SLIT3: variants seen among roughly 807,000 people sequenced by gnomAD.
SLIT3 encodes the protein slit homolog 3 protein.
A neutral mutation model predicts 184.0 loss-of-function variants in SLIT3; 68 were observed. The observed-to-expected ratio is 0.37, with a 90% CI of 0.30 to 0.45. SLIT3 has a LOEUF of 0.45. Ranked by LOEUF, SLIT3 falls within the 20% of genes least tolerant of loss-of-function variation. SLIT3 has a pLI of 1.00. For synonymous variants in SLIT3, 831 were observed against 828.6 expected, an observed-to-expected ratio of 1.00 and a Z score of -0.05; for missense variants, 1,707 against 2,026.0, an observed-to-expected ratio of 0.84 and a Z score of 3.02.
chr5:169,110,489 G>A (rs1760372775), intron 4 of SLIT3, among the ~76,000 whole-genome samples: 1 of 152,096 alleles, frequency 6.6e-6, no homozygotes, highest in Non-Finnish European at 1.5e-5. Context: ...GGTGTTCGTT[G>A]TCTTGTAGAA....
chr5:169,236,392 A>G (rs571324973), intron 3 of SLIT3, among the ~76,000 whole-genome samples: 1 of 152,178 alleles, frequency 6.6e-6, no homozygotes, highest in Admixed American at 6.5e-5. Context: ...AAAATCATCA[A>G]CTGGGTGCTG....
chr5:168,937,808 A>C (rs1762207021), intron 4 of SLIT3, among the ~76,000 whole-genome samples: 1 of 152,194 alleles, frequency 6.6e-6, no homozygotes, highest in African/African-American at 2.4e-5. Context: ...GACTAGAATA[A>C]AGAATGGTGC....
intron 4 of SLIT3, among the ~76,000 whole-genome samples, chr5:168,956,488 G>A (rs1762830332): frequency 6.6e-6 from 1 of 152,132 alleles, no homozygotes; most frequent in Admixed American, 6.5e-5. Context: ...GGCTCAACCA[G>A]CTGATTCATA....
intron 3 of SLIT3, among the ~76,000 whole-genome samples, chr5:169,240,892 A>C (rs1269451943): frequency 6.8e-6 from 1 of 147,920 alleles, no homozygotes; most frequent in Non-Finnish European, 1.5e-5. Flanking sequence ...TTTTTTTTAG[A>C]GGCTATGCTA....
At chr5:169,254,528 T>A (rs143990236) in intron 1 of SLIT3, among the ~76,000 whole-genome samples, 4 of 152,152 alleles carry the variant, frequency 2.6e-5, no homozygotes, top group African/African-American at 9.7e-5. Context: ...ATGGTGTCTA[T>A]GCCAATTTCC....
intron 32 of SLIT3, among the ~76,000 whole-genome samples, chr5:168,680,047 G>A (rs1761535290): frequency 6.6e-6 from 1 of 152,234 alleles, no homozygotes; most frequent in Non-Finnish European, 1.5e-5. Context: ...AAACCCCGGT[G>A]GTCCCGCTTC....
At chr5:169,128,268 A>G (rs916033504) in intron 4 of SLIT3, among the ~76,000 whole-genome samples, 1 of 147,872 alleles carries the variant, frequency 6.8e-6, no homozygotes, top group Non-Finnish European at 1.5e-5. Flanking sequence ...ATATACATAT[A>G]TATATTTATA....
At chr5:169,018,383 T>A (rs1382394348) in intron 4 of SLIT3, 1 of 135,146 alleles carries the variant, frequency 7.4e-6, no homozygotes, top group Admixed American at 7.3e-5. Flanking sequence ...TAAAGCCTTC[T>A]TTTTTGCAGG....
chr5:168,744,734 G>A (rs923689420), intron 20 of SLIT3, among the ~76,000 whole-genome samples: 2 of 152,178 alleles, frequency 1.3e-5, no homozygotes, highest in African/African-American at 4.8e-5. Flanking sequence ...TAAGCCCATC[G>A]TTGAGACCTG....
intron 6 of SLIT3, among the ~76,000 whole-genome samples, chr5:168,824,652 C>T (rs184044169): frequency 1.5e-3 from 231 of 152,320 alleles, no homozygotes; most frequent in Non-Finnish European, 2.4e-3. Flanking sequence ...ACCTGCCTCA[C>T]TATACCTCCC....
At chr5:169,192,576 T>A (rs1345587) in intron 4 of SLIT3, among the ~76,000 whole-genome samples, 7,266 of 152,154 alleles carry the variant, frequency 0.048, 347 homozygotes, top group East Asian at 0.22. Context: ...GCTGCACAAG[T>A]AGGCATTAAA....
intron 4 of SLIT3, among the ~76,000 whole-genome samples, chr5:168,932,264 T>TTTG (rs1762009366): frequency 6.6e-6 from 1 of 150,936 alleles, no homozygotes; most frequent in Admixed American, 6.6e-5. Context: ...TTGTGTTTTT[T>TTTG]TTTTTTTTTT....
intron 34 of SLIT3, among the ~76,000 whole-genome samples, chr5:168,670,912 G>C (rs1218438982): frequency 6.6e-6 from 1 of 152,156 alleles, no homozygotes; most frequent in Admixed American, 6.5e-5. Context: ...AATTCCCACA[G>C]AGACAGTGGG....
intron 4 of SLIT3, among the ~76,000 whole-genome samples, chr5:169,044,661 G>A (rs541835941): frequency 6.6e-6 from 1 of 152,220 alleles, no homozygotes; most frequent in African/African-American, 2.4e-5. Flanking sequence ...TCTGGAATTA[G>A]ACAGTGGTGA....
At chr5:168,926,578 T>C (rs1761831003) in intron 4 of SLIT3, among the ~76,000 whole-genome samples, 1 of 152,204 alleles carries the variant, frequency 6.6e-6, no homozygotes, top group Non-Finnish European at 1.5e-5. Context: ...ATTTCTACAA[T>C]CTGGATCTAA....
chr5:169,152,656 T>C (rs1041455058), intron 4 of SLIT3, among the ~76,000 whole-genome samples: 4 of 152,134 alleles, frequency 2.6e-5, no homozygotes, highest in African/African-American at 9.7e-5. Context: ...TCAAGATCCT[T>C]ATCAGAAAAG....
chr5:168,786,256 G>C (rs946526075), intron 11 of SLIT3, among the ~76,000 whole-genome samples: 2 of 152,124 alleles, frequency 1.3e-5, no homozygotes, highest in African/African-American at 4.8e-5. Context: ...AGGAAGAAGC[G>C]GTCTCTTTGT....
intron 32 of SLIT3, among the ~76,000 whole-genome samples, chr5:168,679,959 A>G (rs548835162): frequency 1.2e-3 from 186 of 152,376 alleles, no homozygotes; most frequent in South Asian, 2.1e-3. Flanking sequence ...GAGAGCATGC[A>G]CTGCATTGCA....
At chr5:168,793,823 C>T (rs971057240) in intron 10 of SLIT3, among the ~76,000 whole-genome samples, 14 of 151,582 alleles carry the variant, frequency 9.2e-5, no homozygotes, top group South Asian at 2.1e-4. Flanking sequence ...GCATGGAGAG[C>T]GGGCTGGGGA....
Sources: gnomAD v4.1 joint callset for allele counts (sites outside exome capture counted in the v4.1 genomes callset) on GRCh38, gnomAD v4.1.1 for gene constraint, MANE v1.5 for transcripts, NCBI Gene and HGNC (gene_info 2026-07-23, HGNC 2026-07-21) for gene names.